INTS5: variants seen among roughly 807,000 people sequenced by gnomAD.
INTS5 encodes integrator complex subunit 5, also known as KIAA1698.
In INTS5, 29 loss-of-function variants were observed where a neutral mutation model predicts 60.0. The ratio of observed to expected loss-of-function variants is 0.48; its 90% CI spans 0.36 to 0.66. INTS5 has a LOEUF of 0.66. Ranked by LOEUF, INTS5 falls within the 30% of genes least tolerant of loss-of-function variation. INTS5 has a pLI of 0.00. For missense variants in INTS5, 1,129 were observed against 1,307.9 expected, an observed-to-expected ratio of 0.86 and a Z score of 2.11; for synonymous variants, 588 against 558.8, an observed-to-expected ratio of 1.05 and a Z score of -0.74.
At position 62,649,612 on chromosome 11, in the gene INTS5, G is replaced by A. The variant is rs1944578271; in HGVS notation, c.468C>T (p.Ser156=). 6.2e-7 allele frequency: 1 copy of A among 1,614,124 alleles called. No individual in the cohort carries two copies. The highest frequency in any genetic ancestry group is 1.3e-5 in the African/African-American group (1 of 75,066). ...AWSIDLMGQL[S]STYSGQHQRV... ...GCTGGTGCTGGCCTGAGTACGTGCTGCTCAGTTGCCCCATGAGGTCAATGG... is the reference window on the plus strand; with the variant it reads ...GCTGGTGCTGGCCTGAGTACGTGCTACTCAGTTGCCCCATGAGGTCAATGG... Residue 156 remains serine (S), a synonymous_variant, in exon 2 of 2, where the codon AGC becomes AGT. Coordinates refer to ENST00000330574, the MANE Select transcript of INTS5 (RefSeq NM_030628.2). This position sits in a 1 kb window ranked among gnomAD's most constrained non-coding sequence, Gnocchi z 6.0.
At position 62,647,559 on chromosome 11, in the gene INTS5, C is replaced by T. The variant is rs776778573; in HGVS notation, c.2521G>A (p.Val841Met). The T allele has an allele frequency of 4.3e-5, 70 of 1,613,654 alleles. No homozygotes were observed. Among genetic ancestry groups the T allele is most frequent in the African/African-American group, 8.0e-5 (6 of 74,958 alleles). ...WPPEEHARAT[V>M]ERDLRIGRRF... The stretch of plus-strand genomic sequence containing the variant: ...CGGCCAATGCGGAGATCCCGCTCCA[C>T]GGTGGCCCGGGCGTGTTCCTCGGGG... Residue 841 changes from valine (V) to methionine (M), a missense_variant, in exon 2 of 2, where the codon GTG becomes ATG. By Grantham distance (21) the Val-to-Met change is conservative. This residue lies in a region of INTS5 where 1,070 missense variants were observed against 1,246.1 expected (regional missense o/e 0.86). Transcript: ENST00000330574.
chr11:62,653,265 G>GAGCCC lies in INTS5; in HGVS notation c.-21_-17dup. The GAGCCC allele has an allele frequency of 8.0e-7, 1 of 1,242,804 alleles. No homozygotes were observed. Among genetic ancestry groups the GAGCCC allele is most frequent in the Non-Finnish European group, 1.0e-6 (1 of 986,960 alleles). The allele number at this position is 1,242,804 out of a possible 1,614,324, so 77.0% of individuals were successfully genotyped here. ...GCGCGGACATCCCGGAGCCCGAGCC[G>GAGCCC]AGCCCGAGGCGCGAGCGGCGGAGCG... On this transcript the variant is annotated 5_prime_UTR_variant, in exon 1 of 2. Transcript: ENST00000330574.
chr11:62,651,271 C>T (rs537398270), intron 1 of INTS5, among the ~76,000 whole-genome samples: 26 of 152,064 alleles, frequency 1.7e-4, no homozygotes, highest in Non-Finnish European at 3.7e-4. Flanking sequence ...CCACCACGCC[C>T]GGCTAATATT....
chr11:62,649,996 A>G lies in INTS5; in HGVS notation c.84T>C (p.Ala28=), dbSNP rs749705581. 2 of 1,613,308 alleles carry G rather than the reference A, an allele frequency of 1.2e-6. No individual in the cohort carries two copies. Among genetic ancestry groups the G allele is most frequent in the Admixed American group, 1.7e-5 (1 of 59,970 alleles). Residue 28 remains alanine (A), a synonymous_variant, in exon 2 of 2, where the codon GCT becomes GCC. Transcript: ENST00000330574. The surrounding 1 kb of genome is among the most constrained non-coding windows in gnomAD (Gnocchi z 6.0). ...CCTTGATTTCCTGGGACAGCTCCTG[A>G]GCACTACAAGGAAGCAAAAGAAACA... ...PATHGPAPLS[A]QELSQEIKAF...
At position 62,649,214 on chromosome 11, in the gene INTS5, G is replaced by C. The variant is rs770863866; in HGVS notation, c.866C>G (p.Pro289Arg). The C allele has an allele frequency of 6.2e-6, 10 of 1,613,778 alleles. No homozygotes were observed. In the South Asian group the frequency reaches 6.6e-5, roughly 11 times the overall value. The change falls in exon 2 of 2, where the codon CCC (proline) becomes CGC (arginine). Residue 289 changes from proline to arginine, a missense_variant. Around this residue, in one of 3 missense-constraint regions of INTS5, gnomAD observed 1,070 missense variants for 1,246.1 expected, o/e 0.86. Coordinates refer to ENST00000330574, the MANE Select transcript of INTS5 (RefSeq NM_030628.2). This position sits in a 1 kb window ranked among gnomAD's most constrained non-coding sequence, Gnocchi z 6.0. The part of the protein sequence containing the change: ...SPAIPAEKRV[P>R]KIASVVGILG... ...GATGCCTACAACTGAGGCAATCTTG[G>C]GCACCCGTTTCTCCGCAGGAATGGC...
In INTS5 at chr11:62,649,288, A is replaced by C. The variant is rs1435842421; in HGVS notation, c.792T>G (p.Gly264=). 3 of 1,613,994 alleles carry C rather than the reference A, an allele frequency of 1.9e-6. No individual in the cohort carries two copies. The highest frequency in any genetic ancestry group is 2.5e-6 in the Non-Finnish European group (3 of 1,180,012). The change falls in exon 2 of 2, where the codon GGT becomes GGG. Residue 264 remains glycine (G), a synonymous_variant. Transcript: ENST00000330574. The surrounding 1 kb of genome is among the most constrained non-coding windows in gnomAD (Gnocchi z 6.0). ...TAGAGGGGGTCTGAGAAGAGCTTCC[A>C]CCACTACTGCCAGCTCCACCTCCAG... ...GGAGGGAGSS[G]GSSSQTPSTD...
At position 62,648,790 on chromosome 11, in the gene INTS5, G is replaced by T; in HGVS notation, c.1290C>A (p.Thr430=). 6.2e-7 allele frequency: 1 copy of T among 1,614,192 alleles called. No homozygotes were observed. The highest frequency in any genetic ancestry group is 1.1e-5 in the South Asian group (1 of 91,088). ...ITTQGLAVPD[T]VREACDRLIQ... ...TTAGCCGGTCACAAGCCTCACGCAC[G>T]GTGTCTGGCACAGCCAGGCCCTGGG... Residue 430 remains threonine, a synonymous_variant, in exon 2 of 2, where the codon ACC becomes ACA. Transcript: ENST00000330574. The surrounding 1 kb of genome is among the most constrained non-coding windows in gnomAD (Gnocchi z 4.4).
chr11:62,653,147 A>C, intron 1 of INTS5, 23 bp downstream of exon 1: 7 of 1,227,742 alleles, frequency 5.7e-6, no homozygotes, highest in Non-Finnish European at 6.2e-6. Context: ...CGATGGGGGG[A>C]AGGTGCCAAG....
intron 1 of INTS5, among the ~76,000 whole-genome samples, chr11:62,652,919 C>T (rs1407175795): frequency 1.3e-5 from 2 of 152,188 alleles, no homozygotes; most frequent in Admixed American, 1.3e-4. Flanking sequence ...ACCCCCGACT[C>T]TTGGGAGAGG....
In INTS5 at chr11:62,647,957, T is replaced by G. The variant is rs1362367536; in HGVS notation, c.2123A>C (p.Gln708Pro). 2 of 1,614,084 alleles carry G rather than the reference T, an allele frequency of 1.2e-6. No individual in the cohort carries two copies. Among genetic ancestry groups the G allele is most frequent in the Admixed American group, 1.7e-5 (1 of 60,002 alleles). ...HRGNTELFGG[Q>P]VDGDNETLSV... ...GAGAGTCTCATTGTCCCCATCTACT[T>G]GCCCACCAAACAGTTCTGTGTTGCC... is the stretch of plus-strand genomic sequence containing the variant. The change falls in exon 2 of 2, where the codon CAA becomes CCA. Residue 708 changes from glutamine (Q) to proline (P), a missense_variant. Transcript: ENST00000330574.
chr11:62,649,113 CT>C lies in INTS5; in HGVS notation c.966del (p.Gly324AspfsTer46). On this transcript the variant is annotated frameshift_variant, in exon 2 of 2. Coordinates refer to ENST00000330574, the MANE Select transcript of INTS5 (RefSeq NM_030628.2). LOFTEE classifies it high-confidence loss of function. This position sits in a 1 kb window ranked among gnomAD's most constrained non-coding sequence, Gnocchi z 6.0. ...TCCCCACTGCGGCCTCCAGATCCCC[CT>C]GCCAGGCTATCATGGAACATTCGCA... ...ELLRMFHDSL[A>X]GGSGGRSGDP... The C allele has an allele frequency of 6.2e-7, 1 of 1,611,186 alleles. No homozygotes were observed. Among genetic ancestry groups the C allele is most frequent in the Non-Finnish European group, 8.5e-7 (1 of 1,177,678 alleles).
chr11:62,648,903 G>A lies in INTS5; in HGVS notation c.1177C>T (p.His393Tyr), dbSNP rs1312440775. The A allele has an allele frequency of 1.9e-6, 3 of 1,613,600 alleles. No homozygotes were observed. In the South Asian group the frequency reaches 3.3e-5, roughly 18 times the overall value. Residue 393 changes from histidine (H) to tyrosine (Y), a missense_variant, in exon 2 of 2, where the codon CAC becomes TAC. By Grantham distance (83) the His-to-Tyr change is moderately conservative. Coordinates refer to ENST00000330574, the MANE Select transcript of INTS5 (RefSeq NM_030628.2). The surrounding 1 kb of genome is among the most constrained non-coding windows in gnomAD (Gnocchi z 4.4). ...ELDNMLNLAV[H>Y]LVSQASGAGA... ...GCCCCAGAGGCCTGGCTCACCAGGTGCACAGCCAGGTTCAACATGTTGTCC... is the reference window on the plus strand; with the variant it reads ...GCCCCAGAGGCCTGGCTCACCAGGTACACAGCCAGGTTCAACATGTTGTCC...
rs757479248 is a variant in INTS5 at position 62,648,264 on chromosome 11, G to A, written c.1816C>T (p.His606Tyr). The A allele has an allele frequency of 2.5e-6, 4 of 1,613,842 alleles. No homozygotes were observed. In the East Asian group the frequency reaches 8.9e-5, roughly 36 times the overall value. Residue 606 changes from histidine (H) to tyrosine (Y), a missense_variant, in exon 2 of 2, where the codon CAT (histidine) becomes TAT (tyrosine). Around this residue, in one of 3 missense-constraint regions of INTS5, gnomAD observed 1,070 missense variants for 1,246.1 expected, o/e 0.86. Transcript: ENST00000330574. The surrounding 1 kb of genome is among the most constrained non-coding windows in gnomAD (Gnocchi z 4.4). ...GAHFGESASA[H>Y]LSDLAPLLLH... is the part of the protein sequence containing the mutation. ...AGGAGAGGAGCCAGGTCAGACAGAT[G>A]GGCTGAGGCAGATTCCCCAAAGTGC...
Position 62,648,664 on chromosome 11 carries a change from G to C in INTS5, c.1416C>G (p.Pro472=), listed in dbSNP as rs541055052. The part of the protein sequence containing the change: ...LGPPPPPRLV[P]FLDALKNHVG... ...CATGGTTTTTGAGCGCATCTAAAAAGGGCACCAAGCGGGGAGGTGGGGGCG... is the reference window on the plus strand; with the variant it reads ...CATGGTTTTTGAGCGCATCTAAAAACGGCACCAAGCGGGGAGGTGGGGGCG... Residue 472 remains proline, a synonymous_variant, in exon 2 of 2, where the codon CCC becomes CCG. Transcript: ENST00000330574. The surrounding 1 kb of genome is among the most constrained non-coding windows in gnomAD (Gnocchi z 4.4). The C allele has an allele frequency of 6.2e-7, 1 of 1,614,074 alleles. No homozygotes were observed. Among genetic ancestry groups the C allele is most frequent in the African/African-American group, 1.3e-5 (1 of 75,074 alleles).
chr11:62,650,884 CT>C (rs778686664), intron 1 of INTS5, among the ~76,000 whole-genome samples: 50 of 151,874 alleles, frequency 3.3e-4, no homozygotes, highest in Admixed American at 1.3e-4. Flanking sequence ...ACTTTTTAAC[CT>C]TTTTATAGAA....
chr11:62,653,096 G>C (rs1049828167), intron 1 of INTS5, 74 bp downstream of exon 1: 1 of 934,908 alleles, frequency 1.1e-6, no homozygotes, highest in African/African-American at 1.7e-5. Context: ...GGTAGGATCC[G>C]GGTTTCTACC....
chr11:62,650,122 A>C (rs1264723207), intron 1 of INTS5, 123 bp from the exon 2 acceptor site: 1 of 811,430 alleles, frequency 1.2e-6, no homozygotes, highest in East Asian at 2.7e-5. Context: ...CTCATAAGAG[A>C]ATTTTTTTTT....
At position 62,653,275 on chromosome 11, in the gene INTS5, C is replaced by T. The variant is rs964811302; in HGVS notation, c.-26G>A. On this transcript the variant is annotated 5_prime_UTR_variant, in exon 1 of 2. Coordinates refer to ENST00000330574, the MANE Select transcript of INTS5 (RefSeq NM_030628.2). ...CCCGGAGCCCGAGCCGAGCCCGAGG[C>T]GCGAGCGGCGGAGCGCAGGCGGCGC... is the stretch of plus-strand genomic sequence containing the variant. The T allele has an allele frequency of 4.0e-6, 5 of 1,240,788 alleles. No homozygotes were observed. The highest frequency in any genetic ancestry group is 5.1e-6 in the Non-Finnish European group (5 of 985,844). 76.9% of individuals were successfully genotyped at this position (1,240,788 alleles called of 1,614,324 possible).
At position 62,648,691 on chromosome 11, in the gene INTS5, G is replaced by A. The variant is rs1352166385; in HGVS notation, c.1389C>T (p.Gly463=). The change falls in exon 2 of 2, where the codon GGC becomes GGT. Residue 463 remains glycine (G), a synonymous_variant. Coordinates refer to ENST00000330574, the MANE Select transcript of INTS5 (RefSeq NM_030628.2). The surrounding 1 kb of genome is among the most constrained non-coding windows in gnomAD (Gnocchi z 4.4). ...GCACCAAGCGGGGAGGTGGGGGCGG[G>A]CCTAGCACCCCTTCCCCAGGAGACC... ...RGGSPGEGVL[G]PPPPPRLVPF... The A allele has an allele frequency of 2.5e-6, 4 of 1,613,950 alleles. No homozygotes were observed. The highest frequency in any genetic ancestry group is 2.2e-5 in the South Asian group (2 of 91,092).
Sources: gnomAD v4.1 joint callset for allele counts (sites outside exome capture counted in the v4.1 genomes callset) on GRCh38, gnomAD v4.1.1 for gene constraint, gnomAD v4.1.1 regional missense constraint, Gnocchi (gnomAD v3.1) non-coding constraint, MANE v1.5 for transcripts, NCBI Gene and HGNC (gene_info 2026-07-23, HGNC 2026-07-21) for gene names.